Variants in HEMK2 observed in about 807,000 individuals in gnomAD.
HEMK2 encodes the protein methyltransferase HEMK2.
the HEMK2 span, among the ~76,000 whole-genome samples, chr21:28,739,924 A>T: frequency 1.3e-5 from 2 of 152,180 alleles, no homozygotes; most frequent in African/African-American, 2.4e-5. Flanking sequence ...ACCTCTATGG[A>T]GCATGAGAAG....
the HEMK2 span, among the ~76,000 whole-genome samples, chr21:28,666,017 A>C: frequency 4.9e-3 from 740 of 152,324 alleles, 6 homozygotes; most frequent in African/African-American, 0.017. Flanking sequence ...ACATTTTCTA[A>C]TATTATTAAT....
At chr21:28,624,537 T>G in the HEMK2 span, among the ~76,000 whole-genome samples, 1 of 152,190 alleles carries the variant, frequency 6.6e-6, no homozygotes, top group Admixed American at 6.5e-5. Flanking sequence ...CAGTGGAATT[T>G]AGGGCATGAT....
At chr21:28,625,027 T>C in the HEMK2 span, among the ~76,000 whole-genome samples, 1 of 152,320 alleles carries the variant, frequency 6.6e-6, no homozygotes, top group Non-Finnish European at 1.5e-5. Context: ...TGGTTTACTA[T>C]TAGAACAGGC....
At chr21:28,765,608 G>C in the HEMK2 span, among the ~76,000 whole-genome samples, 1 of 151,924 alleles carries the variant, frequency 6.6e-6, no homozygotes, top group African/African-American at 2.4e-5. Flanking sequence ...TGAAATACAG[G>C]CTACCAAATC....
the HEMK2 span, among the ~76,000 whole-genome samples, chr21:28,734,870 A>G: frequency 1.6e-4 from 24 of 152,322 alleles, no homozygotes; most frequent in Admixed American, 1.5e-3. Flanking sequence ...TAATGGCCCA[A>G]ACAACAATCA....
At chr21:28,885,276 C>T in the HEMK2 span, 392 of 1,593,368 alleles carry the variant, frequency 2.5e-4, no homozygotes, top group African/African-American at 4.7e-3. Context: ...TCCGCGGGCT[C>T]GTACACGTCG....
At chr21:28,767,435 AG>A in the HEMK2 span, among the ~76,000 whole-genome samples, 1 of 151,940 alleles carries the variant, frequency 6.6e-6, no homozygotes, top group Non-Finnish European at 1.5e-5. Flanking sequence ...AAAAAAAAAA[AG>A]AATTATGTTC....
At chr21:28,704,702 G>A in the HEMK2 span, among the ~76,000 whole-genome samples, 12 of 152,144 alleles carry the variant, frequency 7.9e-5, no homozygotes, top group South Asian at 2.1e-4. Context: ...GACTTTCAGC[G>A]GTCATTCATA....
the HEMK2 span, among the ~76,000 whole-genome samples, chr21:28,733,727 G>T: frequency 1.7e-3 from 242 of 145,784 alleles, 1 homozygote; most frequent in African/African-American, 5.3e-3. Context: ...CAAGCCACTG[G>T]TTTTTTTTTT....
the HEMK2 span, chr21:28,878,344 T>C: frequency 3.1e-6 from 5 of 1,611,622 alleles, no homozygotes; most frequent in East Asian, 6.7e-5. Flanking sequence ...CTGTGAACAA[T>C]TAGAAAGAAT....
the HEMK2 span, among the ~76,000 whole-genome samples, chr21:28,707,689 T>C: frequency 4.6e-5 from 7 of 152,114 alleles, no homozygotes; most frequent in African/African-American, 1.7e-4. Flanking sequence ...CTACTATATA[T>C]ATATATAAAC....
chr21:28,725,952 T>C, the HEMK2 span, among the ~76,000 whole-genome samples: 1 of 152,194 alleles, frequency 6.6e-6, no homozygotes, highest in Non-Finnish European at 1.5e-5. Context: ...ATGTTTCCAG[T>C]GGAATTTAAA....
At chr21:28,741,600 T>C in the HEMK2 span, among the ~76,000 whole-genome samples, 434 of 152,226 alleles carry the variant, frequency 2.9e-3, 13 homozygotes, top group East Asian at 0.062. Flanking sequence ...CCTCTATGTG[T>C]CTCTGCGTTC....
chr21:28,710,433 C>A, the HEMK2 span, among the ~76,000 whole-genome samples: 1 of 152,078 alleles, frequency 6.6e-6, no homozygotes, highest in Non-Finnish European at 1.5e-5. Flanking sequence ...AAATGCTATT[C>A]GTGATTTTAA....
chr21:28,678,659 C>A, the HEMK2 span, among the ~76,000 whole-genome samples: 4 of 152,162 alleles, frequency 2.6e-5, no homozygotes, highest in Non-Finnish European at 5.9e-5. Context: ...GTCGGGTAAC[C>A]CACAAAGGGA....
At chr21:28,822,572 C>CATATAT in the HEMK2 span, among the ~76,000 whole-genome samples, 315 of 147,714 alleles carry the variant, frequency 2.1e-3, 3 homozygotes, top group African/African-American at 6.9e-3. Context: ...GGCTACAATG[C>CATATAT]ATATATATAT....
At chr21:28,635,101 CTT>C in the HEMK2 span, among the ~76,000 whole-genome samples, 96 of 142,922 alleles carry the variant, frequency 6.7e-4, 1 homozygote, top group East Asian at 3.9e-3. Flanking sequence ...ATGTCCTCAT[CTT>C]TTTTTTTTTT....
At chr21:28,827,614 CTCAGTCTG>C in the HEMK2 span, among the ~76,000 whole-genome samples, 1 of 152,196 alleles carries the variant, frequency 6.6e-6, no homozygotes, top group African/African-American at 2.4e-5. Flanking sequence ...CTAGTTTACC[CTCAGTCTG>C]TCAATGATGG....
the HEMK2 span, among the ~76,000 whole-genome samples, chr21:28,591,320 T>C: frequency 1.2e-4 from 19 of 152,186 alleles, no homozygotes; most frequent in African/African-American, 2.4e-5. Context: ...GCCATATATA[T>C]GCTGTTGCCA....
Sources: allele counts gnomAD v4.1 joint callset (sites outside exome capture counted in the v4.1 genomes callset), GRCh38; gene constraint gnomAD v4.1.1; transcripts MANE v1.5; gene names NCBI Gene and HGNC (gene_info 2026-07-23, HGNC 2026-07-21).